Variants in NHS observed in about 807,000 individuals in gnomAD.
The protein encoded by NHS is actin remodeling regulator NHS.
A neutral mutation model predicts 72.5 loss-of-function variants in NHS; 5 were observed. The ratio of observed to expected loss-of-function variants is 0.07; its 90% CI spans 0.04 to 0.14. The LOEUF (loss-of-function observed/expected upper bound fraction) is 0.14, where lower values mean the gene tolerates loss of function less well. Among genes scored for constraint, NHS ranks in the 10% least tolerant of loss-of-function variants. The pLI, the probability that NHS is intolerant of heterozygous loss-of-function variation, is 1.00. For synonymous variants in NHS, 464 were observed against 547.7 expected (o/e 0.85, Z 2.13); for missense variants, 1,072 against 1,355.7 (o/e 0.79, Z 3.29).
At position 17,734,418 on chromosome X, in the gene NHS, C is replaced by G. The variant is rs1340278912; in HGVS notation, c.*1954C>G. Reference sequence around the variant, plus strand: ...TTCTTCTACTATTTGTTTTCACTACCAAACTGTGTTACTAAATTTCTTGTC... The same window carrying G: ...TTCTTCTACTATTTGTTTTCACTACGAAACTGTGTTACTAAATTTCTTGTC... On this transcript the variant is annotated 3_prime_UTR_variant, in exon 9 of 9. Coordinates refer to ENST00000676302, the MANE Select transcript of NHS (RefSeq NM_001291867.2). 9.0e-6 allele frequency: 1 copy of G among 111,507 alleles called. No homozygotes were observed. Among genetic ancestry groups the G allele is most frequent in the Non-Finnish European group, 1.9e-5 (1 of 52,995 alleles). 9.2% of individuals were successfully genotyped at this position (111,507 alleles called of 1,213,427 possible).
In NHS at chrX:17,576,970, A is replaced by G. The variant is rs189544783; in HGVS notation, c.566-110772A>G. 3.6e-5 allele frequency among the ~76,000 whole-genome samples: 4 copies of G among 111,689 alleles called. No individual in the cohort carries two copies. In the East Asian group the frequency reaches 1.1e-3, roughly 32 times the overall value. ...GGAGAACAAACAAGGAAAGAAAGAA[A>G]ATGCCCTAAAGGTTATCTGGTGGAC... On this transcript the variant is annotated intron_variant, in intron 1 of 8. Coordinates refer to ENST00000676302, the MANE Select transcript of NHS (RefSeq NM_001291867.2).
chrX:17,403,694 G>C (rs777897189), intron 1 of NHS, among the ~76,000 whole-genome samples: 40 of 112,286 alleles, frequency 3.6e-4, no homozygotes, highest in Middle Eastern at 4.7e-3. Context: ...TTTGCACTTG[G>C]ACAAGGGTTG....
intron 1 of NHS, chrX:17,687,124 T>C (rs766660440): frequency 8.3e-6 from 1 of 120,471 alleles, no homozygotes; most frequent in South Asian, 3.0e-4. Context: ...ATGGTTTCTT[T>C]AATGCGTATG....
At chrX:17,435,267 G>A (rs1280247167) in intron 1 of NHS, among the ~76,000 whole-genome samples, 1 of 111,832 alleles carries the variant, frequency 8.9e-6, no homozygotes, top group Non-Finnish European at 1.9e-5. Context: ...TCATTAGAAT[G>A]GCAGGCTCAA....
chrX:17,621,555 G>A (rs1008646183), intron 1 of NHS, among the ~76,000 whole-genome samples: 2 of 111,586 alleles, frequency 1.8e-5, no homozygotes, highest in Non-Finnish European at 3.8e-5. Context: ...TTGCTTCCTT[G>A]TCCATCTCCT....
intron 1 of NHS, among the ~76,000 whole-genome samples, chrX:17,593,684 C>A (rs1023470607): frequency 1.8e-5 from 2 of 111,794 alleles, no homozygotes; most frequent in Non-Finnish European, 3.8e-5. Context: ...CATCCAGGTA[C>A]CCCTGGATTC....
intron 1 of NHS, among the ~76,000 whole-genome samples, chrX:17,501,822 C>G (rs188054728): frequency 8.9e-6 from 1 of 112,111 alleles, no homozygotes; most frequent in Non-Finnish European, 1.9e-5. Flanking sequence ...TCCCTTTCAG[C>G]GAGAAACCAA....
At position 17,676,606 on chromosome X, in the gene NHS, ATACTTT is replaced by A. The variant is rs776682050; in HGVS notation, c.566-11130_566-11125del. 2.2e-4 allele frequency among the ~76,000 whole-genome samples: 25 copies of A among 112,680 alleles called. No individual in the cohort carries two copies. In the South Asian group the frequency reaches 9.2e-3, roughly 42 times the overall value. On this transcript the variant is annotated intron_variant, in intron 1 of 8. Coordinates refer to ENST00000676302, the MANE Select transcript of NHS (RefSeq NM_001291867.2). The stretch of plus-strand genomic sequence containing the variant: ...TATTTCCGATCAGTATTATCTTTCT[ATACTTT>A]TACTTGTTTGCAAACTTGCAACACT...
chrX:17,573,933 G>A (rs1042952735), intron 1 of NHS, among the ~76,000 whole-genome samples: 6 of 111,793 alleles, frequency 5.4e-5, no homozygotes, highest in African/African-American at 2.0e-4. Flanking sequence ...TAACAGACAG[G>A]CCTCTCAGCT....
chrX:17,413,457 CTT>C (rs2064573333), intron 1 of NHS, among the ~76,000 whole-genome samples: 1 of 111,953 alleles, frequency 8.9e-6, no homozygotes, highest in South Asian at 3.7e-4. Context: ...GTCATTCTCT[CTT>C]GATGTCATTA....
chrX:17,611,413 A>T (rs2065710685), intron 1 of NHS, among the ~76,000 whole-genome samples: 1 of 112,267 alleles, frequency 8.9e-6, no homozygotes, highest in African/African-American at 3.2e-5. Context: ...AAATCAGTGG[A>T]CAAAATGTGC....
intron 1 of NHS, among the ~76,000 whole-genome samples, chrX:17,576,121 C>T (rs961808707): frequency 9.0e-6 from 1 of 111,291 alleles, no homozygotes; most frequent in Admixed American, 9.5e-5. Context: ...GAATGTTATT[C>T]CCTGAATAGC....
At chrX:17,728,507 A>G (rs1217100780) in intron 7 of NHS, 142 bp from the exon 8 acceptor site, 1 of 917,514 alleles carries the variant, frequency 1.1e-6, no homozygotes, top group Admixed American at 2.3e-5. Context: ...AAGCTTTGAC[A>G]GGTATCTCTC....
chrX:17,617,742 G>A (rs963257607), intron 1 of NHS, among the ~76,000 whole-genome samples: 2 of 112,231 alleles, frequency 1.8e-5, no homozygotes, highest in African/African-American at 3.2e-5. Flanking sequence ...TATGAGATTC[G>A]AGACCTAAGG....
intron 1 of NHS, among the ~76,000 whole-genome samples, chrX:17,630,011 C>T (rs7890002): frequency 0.28 from 29,856 of 107,276 alleles, 8,191 homozygotes; most frequent in African/African-American, 0.83. Flanking sequence ...AGAGAGAGGG[C>T]ACAAATCGCC....
intron 5 of NHS, 146 bp from the exon 6 acceptor site, chrX:17,724,153 G>C (rs770531285): frequency 1.5e-6 from 1 of 683,701 alleles, no homozygotes; most frequent in African/African-American, 2.1e-5. Flanking sequence ...ATTTAAATAA[G>C]AGCTGAATAA....
chrX:17,548,854 G>GC (rs1342242739), intron 1 of NHS, among the ~76,000 whole-genome samples: 1 of 110,999 alleles, frequency 9.0e-6, no homozygotes, highest in Non-Finnish European at 1.9e-5. Context: ...GGGGATGGCT[G>GC]CCCCCCCTTG....
At chrX:17,533,511 C>T (rs965032959) in intron 1 of NHS, among the ~76,000 whole-genome samples, 2 of 111,502 alleles carry the variant, frequency 1.8e-5, no homozygotes, top group African/African-American at 3.3e-5. Flanking sequence ...TCTTGAACTC[C>T]GGAGCTCAAG....
intron 1 of NHS, among the ~76,000 whole-genome samples, chrX:17,543,806 C>T (rs1005297243): frequency 2.7e-5 from 3 of 111,732 alleles, no homozygotes; most frequent in Non-Finnish European, 5.6e-5. Context: ...CTTTTCCATG[C>T]CCCCTCCTCT....
Sources: gnomAD v4.1 joint callset for allele counts (sites outside exome capture counted in the v4.1 genomes callset) on GRCh38, gnomAD v4.1.1 for gene constraint, MANE v1.5 for transcripts, NCBI Gene and HGNC (gene_info 2026-07-23, HGNC 2026-07-21) for gene names.